Variants in DACH1 observed in about 807,000 individuals in gnomAD.
DACH1 encodes dachshund homolog 1.
A neutral mutation model predicts 54.2 loss-of-function variants in DACH1; 12 were observed. That is an observed-to-expected ratio of 0.22 (90% CI 0.14 to 0.36). DACH1 has a LOEUF of 0.36. DACH1 is among the 10% of genes least tolerant of loss of function. The pLI is 1.00. For missense variants in DACH1, 805 were observed against 929.8 expected, an observed-to-expected ratio of 0.87 and a Z score of 1.75; for synonymous variants, 386 against 366.2, an observed-to-expected ratio of 1.05 and a Z score of -0.62.
intron 6 of DACH1, among the ~76,000 whole-genome samples, chr13:71,519,063 CAG>C (rs1881374973): frequency 6.6e-6 from 1 of 151,756 alleles, no homozygotes; most frequent in African/African-American, 2.4e-5. Context: ...GTTGTGTAGA[CAG>C]AAATTATGTG....
intron 1 of DACH1, among the ~76,000 whole-genome samples, chr13:71,826,343 A>G (rs1888378331): frequency 1.3e-5 from 2 of 152,078 alleles, no homozygotes; most frequent in Non-Finnish European, 2.9e-5. Flanking sequence ...AGTCTTTCCT[A>G]CTTTTCAAGA....
intron 1 of DACH1, 84 bp downstream of exon 1, chr13:71,865,838 A>C: frequency 7.4e-7 from 1 of 1,349,416 alleles, no homozygotes; most frequent in Non-Finnish European, 9.5e-7. Flanking sequence ...GCGCAGAGCG[A>C]GCGGCGCCGG....
intron 1 of DACH1, among the ~76,000 whole-genome samples, chr13:71,712,527 G>C (rs1566451175): frequency 6.6e-6 from 1 of 151,988 alleles, no homozygotes; most frequent in Non-Finnish European, 1.5e-5. Context: ...AATGTTTTTA[G>C]AACAAAAATT....
rs372159848 is a variant in DACH1 at position 71,708,978 on chromosome 13, G to A, written c.849-27068C>T. 1.3e-3 allele frequency among the ~76,000 whole-genome samples: 192 copies of A among 147,790 alleles called. 3 individuals carry two copies. The highest frequency in any genetic ancestry group is 4.4e-3 in the African/African-American group (180 of 40,654). ...CGCCATTCTCCTGCCTCAGCCTCCC[G>A]AGTAGCTGGGACTACAGGCGCCCGC... On this transcript the variant is annotated intron_variant, in intron 1 of 10. Coordinates refer to ENST00000613252, the MANE Select transcript of DACH1 (RefSeq NM_080759.6).
At chr13:71,733,341 C>CTTGT (rs753601894) in intron 1 of DACH1, among the ~76,000 whole-genome samples, 4 of 151,794 alleles carry the variant, frequency 2.6e-5, no homozygotes, top group Admixed American at 6.6e-5. Flanking sequence ...TTTTTGTTTG[C>CTTGT]TTGTTTGTTT....
intron 10 of DACH1, among the ~76,000 whole-genome samples, chr13:71,447,931 T>A (rs1566264694): frequency 6.6e-6 from 1 of 152,204 alleles, no homozygotes; most frequent in African/African-American, 2.4e-5. Context: ...GTGAAAGTCA[T>A]GTAAAATCCT....
intron 3 of DACH1, among the ~76,000 whole-genome samples, chr13:71,624,164 C>T (rs1186288588): frequency 6.6e-6 from 1 of 151,710 alleles, no homozygotes; most frequent in Non-Finnish European, 1.5e-5. Flanking sequence ...TTGGGGTAAG[C>T]AATTTTGTGT....
intron 6 of DACH1, among the ~76,000 whole-genome samples, chr13:71,517,938 C>A (rs1177898550): frequency 3.3e-5 from 5 of 151,786 alleles, no homozygotes; most frequent in Admixed American, 1.3e-4. Context: ...TGGAAATAAC[C>A]TCAGTTTTAA....
At chr13:71,815,589 T>A (rs1362010654) in intron 1 of DACH1, among the ~76,000 whole-genome samples, 4 of 152,230 alleles carry the variant, frequency 2.6e-5, no homozygotes, top group African/African-American at 9.6e-5. Flanking sequence ...ATATATGAAC[T>A]GTTTTTGGAA....
intron 1 of DACH1, among the ~76,000 whole-genome samples, chr13:71,698,152 C>T (rs1192196398): frequency 6.6e-6 from 1 of 152,070 alleles, no homozygotes; most frequent in Non-Finnish European, 1.5e-5. Flanking sequence ...CGCCACTGCA[C>T]TCCAGCCTGG....
chr13:71,670,597 T>C (rs372532361), intron 2 of DACH1, among the ~76,000 whole-genome samples: 89 of 152,220 alleles, frequency 5.8e-4, no homozygotes, highest in East Asian at 3.5e-3. Flanking sequence ...ATAGAGTATA[T>C]GTGAATATGA....
At chr13:71,845,056 G>A (rs973460437) in intron 1 of DACH1, among the ~76,000 whole-genome samples, 2 of 151,852 alleles carry the variant, frequency 1.3e-5, no homozygotes, top group South Asian at 4.2e-4. Context: ...AGCACTGTAG[G>A]GTACCTATAG....
chr13:71,626,398 T>C (rs1876647539), intron 3 of DACH1, among the ~76,000 whole-genome samples: 1 of 152,048 alleles, frequency 6.6e-6, no homozygotes, highest in East Asian at 1.9e-4. Flanking sequence ...AAAACATAGC[T>C]ATAGACACTA....
chr13:71,699,841 T>G (rs1447057365), intron 1 of DACH1, among the ~76,000 whole-genome samples: 1 of 152,170 alleles, frequency 6.6e-6, no homozygotes, highest in Non-Finnish European at 1.5e-5. Context: ...CCAACTATAT[T>G]TTATAGCCAA....
intron 1 of DACH1, among the ~76,000 whole-genome samples, chr13:71,841,300 C>CT (rs368984519): frequency 1.9e-4 from 28 of 150,856 alleles, no homozygotes; most frequent in Middle Eastern, 3.4e-3. Flanking sequence ...TGTCTTTTCT[C>CT]TTTTTTTTTG....
At chr13:71,515,010 G>GT (rs1669018933) in intron 6 of DACH1, among the ~76,000 whole-genome samples, 2 of 151,840 alleles carry the variant, frequency 1.3e-5, no homozygotes, top group South Asian at 4.2e-4. Flanking sequence ...AAATGGTTAG[G>GT]TTTTTTTATT....
chr13:71,861,388 G>A (rs1290910082), intron 1 of DACH1, among the ~76,000 whole-genome samples: 2 of 151,930 alleles, frequency 1.3e-5, no homozygotes, highest in African/African-American at 2.4e-5. Flanking sequence ...CCACGATATT[G>A]TGAGAGACTA....
intron 1 of DACH1, among the ~76,000 whole-genome samples, chr13:71,856,143 AAGAAAAATCAAATTTGACCC>A: frequency 6.6e-6 from 1 of 152,052 alleles, no homozygotes; most frequent in African/African-American, 2.4e-5. Flanking sequence ...TGTTAACAGA[AAGAAAAATCAAATTTGACCC>A]AGAAGGCTCC....
intron 10 of DACH1, among the ~76,000 whole-genome samples, chr13:71,455,300 A>T (rs1384463611): frequency 6.6e-6 from 1 of 152,168 alleles, no homozygotes; most frequent in Non-Finnish European, 1.5e-5. Context: ...AGAGATAGAT[A>T]GATATATCAT....
Sources: gnomAD v4.1 joint callset for allele counts (sites outside exome capture counted in the v4.1 genomes callset) on GRCh38, gnomAD v4.1.1 for gene constraint, MANE v1.5 for transcripts, NCBI Gene and HGNC (gene_info 2026-07-23, HGNC 2026-07-21) for gene names.